OCIAD2: variants seen among roughly 807,000 people sequenced by gnomAD.
OCIAD2 encodes the protein OCIA domain containing 2.
In OCIAD2, 29 loss-of-function variants were observed where a neutral mutation model predicts 22.9. The ratio of observed to expected loss-of-function variants is 1.27; its 90% CI spans 0.94 to 1.73. OCIAD2 has a LOEUF of 1.73. Among genes scored for constraint, OCIAD2 ranks in the 40% most tolerant of loss-of-function variants. OCIAD2 has a pLI of 0.00. For missense variants in OCIAD2, 189 were observed against 180.3 expected (o/e 1.05, Z -0.28); for synonymous variants, 67 against 60.2 (o/e 1.11, Z -0.52).
At chr4:48,888,797 C>CT (rs60325440) in intron 6 of OCIAD2, among the ~76,000 whole-genome samples, 28 of 151,952 alleles carry the variant, frequency 1.8e-4, no homozygotes, top group Non-Finnish European at 3.2e-4. Context: ...CTAAAATTCT[C>CT]TTTTTTTTGT....
At chr4:48,898,105 C>T (rs1781338491) in intron 3 of OCIAD2, among the ~76,000 whole-genome samples, 1 of 152,168 alleles carries the variant, frequency 6.6e-6, no homozygotes, top group African/African-American at 2.4e-5. Flanking sequence ...TGTCTGACAT[C>T]CACTTGTACT....
At position 48,899,912 on chromosome 4, in the gene OCIAD2, CA is replaced by C; in HGVS notation, c.79del (p.Cys27ValfsTer35). The C allele has an allele frequency of 6.2e-7, 1 of 1,613,260 alleles. No individual in the cohort carries two copies. The highest frequency in any genetic ancestry group is 8.5e-7 in the Non-Finnish European group (1 of 1,179,534). ...GTGGATGTGCAGTTTTGATTTTGGACAAAACAACAGGCTCTGTAAGGAAAGT... is the reference window on the plus strand; with the variant it reads ...GTGGATGTGCAGTTTTGATTTTGGACAAACAACAGGCTCTGTAAGGAAAGT... ...PPPSKQSLLF[C>X]PKSKLHIHRA... is the part of the protein sequence containing the mutation. On this transcript the variant is annotated frameshift_variant, in exon 3 of 7. Coordinates refer to ENST00000508632, the MANE Select transcript of OCIAD2 (RefSeq NM_001014446.3). LOFTEE classifies it high-confidence loss of function.
At chr4:48,891,251 T>G (rs1347750936) in intron 6 of OCIAD2, among the ~76,000 whole-genome samples, 1 of 152,186 alleles carries the variant, frequency 6.6e-6, no homozygotes, top group Non-Finnish European at 1.5e-5. Context: ...CAAGAAGTCC[T>G]TAATGCCTAT....
chr4:48,899,844 T>C lies in OCIAD2; in HGVS notation c.148A>G (p.Ser50Gly). 1 of 1,613,252 alleles carries C rather than the reference T, an allele frequency of 6.2e-7. No individual in the cohort carries two copies. Among genetic ancestry groups the C allele is most frequent in the South Asian group, 1.1e-5 (1 of 91,030 alleles). The change falls in exon 3 of 7, where the codon AGT becomes GGT. Residue 50 changes from serine (S) to glycine (G), a missense_variant. Transcript: ENST00000508632. ...GTGCAATTACCTCTCTTCCAGAAAC[T>C]TTCTTCCTGACATTCTCGCATAATC... ...SKIMRECQEE[S>G]FWKRALPFSL...
Position 48,904,552 on chromosome 4 carries a change from T to C in OCIAD2, c.-3A>G. Reference sequence around the variant, plus strand: ...CCACGAGCAGACGCTGAAGCCATGATGACTTTGTGCTTGCTCTCCTTCCAG... The same window carrying C: ...CCACGAGCAGACGCTGAAGCCATGACGACTTTGTGCTTGCTCTCCTTCCAG... On this transcript the variant is annotated 5_prime_UTR_variant, in exon 2 of 7. Coordinates refer to ENST00000508632, the MANE Select transcript of OCIAD2 (RefSeq NM_001014446.3). 2 of 1,614,078 alleles carry C rather than the reference T, an allele frequency of 1.2e-6. No individual in the cohort carries two copies. Among genetic ancestry groups the C allele is most frequent in the South Asian group, 1.1e-5 (1 of 91,088 alleles).
At chr4:48,887,153 C>T (rs1349626963) in intron 6 of OCIAD2, among the ~76,000 whole-genome samples, 2 of 152,118 alleles carry the variant, frequency 1.3e-5, no homozygotes, top group Non-Finnish European at 2.9e-5. Context: ...TGAGAAGTGT[C>T]TGTTCATATC....
At chr4:48,892,911 G>C (rs763297946) in intron 5 of OCIAD2, 22 bp from the exon 6 acceptor site, 17 of 1,230,076 alleles carry the variant, frequency 1.4e-5, no homozygotes, top group Non-Finnish European at 1.9e-5. Context: ...GGTTGGGAGA[G>C]ATTAGTTGAG....
Position 48,904,625 on chromosome 4 carries a change from A to G in OCIAD2, c.-62-14T>C. ...TTGACCCAGTGTCTAAGGAAGGTAG[A>G]AGAGAATCACTATGCCATGACTAAA... On this transcript the variant is annotated splice_polypyrimidine_tract_variant and intron_variant, in intron 1 of 6. Coordinates refer to ENST00000508632, the MANE Select transcript of OCIAD2 (RefSeq NM_001014446.3). The G allele has an allele frequency of 7.7e-7, 1 of 1,306,554 alleles. No homozygotes were observed. The highest frequency in any genetic ancestry group is 1.2e-5 in the South Asian group (1 of 84,904). The allele number at this position is 1,306,554 out of a possible 1,614,324, so 80.9% of individuals were successfully genotyped here.
chr4:48,903,931 C>T (rs1781471705), intron 2 of OCIAD2, among the ~76,000 whole-genome samples: 1 of 151,622 alleles, frequency 6.6e-6, no homozygotes, highest in Non-Finnish European at 1.5e-5. Context: ...AGGCGTGAGC[C>T]ACCGCGCCCA....
chr4:48,887,113 G>T (rs1342680223), intron 6 of OCIAD2, among the ~76,000 whole-genome samples: 1 of 152,146 alleles, frequency 6.6e-6, no homozygotes, highest in Non-Finnish European at 1.5e-5. Flanking sequence ...ATTTTTTCAT[G>T]TGTCTTTTGG....
At chr4:48,894,090 TC>T in intron 4 of OCIAD2, 37 bp from the exon 5 acceptor site, 2 of 1,077,710 alleles carry the variant, frequency 1.9e-6, no homozygotes, top group Non-Finnish European at 2.6e-6. Context: ...TTATTTCATT[TC>T]ATAAATTAAA....
In OCIAD2 at chr4:48,885,218, A is replaced by G. The variant is rs1780946626; in HGVS notation, c.*266T>C. 2 of 330,360 alleles carry G rather than the reference A, an allele frequency of 6.1e-6. No homozygotes were observed. The allele number at this position is 330,360 out of a possible 1,614,324, so 20.5% of individuals were successfully genotyped here. A position where few individuals can be genotyped will look rare whatever the true frequency, so the allele number is the denominator to read the frequency against. On this transcript the variant is annotated 3_prime_UTR_variant, in exon 7 of 7. Transcript: ENST00000508632. ...TGGCCAAGCTGGTCATGAACTCCTG[A>G]CCTCAAATGATCTGCCTGCCTCGGC... is the stretch of plus-strand genomic sequence containing the variant.
intron 5 of OCIAD2, chr4:48,893,749 C>T (rs1781234057): frequency 4.1e-6 from 1 of 245,524 alleles, no homozygotes; most frequent in African/African-American, 2.2e-5. Context: ...AAAATAGGGG[C>T]TGATTTTTCC....
chr4:48,897,036 G>C (rs1347212782), intron 4 of OCIAD2: 6 of 152,416 alleles, frequency 3.9e-5, no homozygotes, highest in African/African-American at 1.4e-4. Context: ...CCCTCCTCAG[G>C]CAGATGCAGC....
intron 3 of OCIAD2, among the ~76,000 whole-genome samples, chr4:48,899,286 T>C (rs1443486831): frequency 6.6e-6 from 1 of 152,214 alleles, no homozygotes; most frequent in African/African-American, 2.4e-5. Context: ...ACTCACACTC[T>C]TGTCTTATGT....
In OCIAD2 at chr4:48,885,578, C is replaced by A; in HGVS notation, c.384-13G>T. ...AAGGAGGCAGTGCCTAGAAGAGAAG[C>A]AAAAATAGACAGCGGTTTGTACTTT... On this transcript the variant is annotated splice_polypyrimidine_tract_variant and intron_variant, in intron 6 of 6. Coordinates refer to ENST00000508632, the MANE Select transcript of OCIAD2 (RefSeq NM_001014446.3). 1 of 1,461,648 alleles carries A rather than the reference C, an allele frequency of 6.8e-7. No homozygotes were observed. The highest frequency in any genetic ancestry group is 9.6e-7 in the Non-Finnish European group (1 of 1,043,544). 90.5% of individuals were successfully genotyped at this position (1,461,648 alleles called of 1,614,324 possible).
chr4:48,903,642 T>G (rs182454264), intron 2 of OCIAD2, among the ~76,000 whole-genome samples: 10,548 of 150,444 alleles, frequency 0.07, 400 homozygotes, highest in Non-Finnish European at 0.089. Flanking sequence ...AGGGTTTTTT[T>G]TTTTTTTTTT....
intron 4 of OCIAD2, 73 bp downstream of exon 4, chr4:48,897,731 A>G: frequency 8.6e-7 from 1 of 1,165,830 alleles, no homozygotes; most frequent in Non-Finnish European, 1.3e-6. Flanking sequence ...GTCAAGGGCC[A>G]AAAAGCTGCC....
At position 48,897,834 on chromosome 4, in the gene OCIAD2, T is replaced by G; in HGVS notation, c.187A>C (p.Met63Leu). The change falls in exon 4 of 7, where the codon ATG (methionine) becomes CTG (leucine). Residue 63 changes from methionine to leucine, a missense_variant. Physicochemically the swap from Met to Leu is conservative, Grantham distance 15. Transcript: ENST00000508632. ...KRALPFSLVS[M>L]LVTQGLVYQG... ...TAGACTAGTCCCTGGGTGACAAGCATGCTTACAAGAGAAAAAGGCAGAGCT... is the reference window on the plus strand; with the variant it reads ...TAGACTAGTCCCTGGGTGACAAGCAGGCTTACAAGAGAAAAAGGCAGAGCT... The G allele has an allele frequency of 1.2e-6, 2 of 1,612,946 alleles. No homozygotes were observed. Among genetic ancestry groups the G allele is most frequent in the Non-Finnish European group, 1.7e-6 (2 of 1,179,036 alleles).
Sources: gnomAD v4.1 joint callset for allele counts (sites outside exome capture counted in the v4.1 genomes callset) on GRCh38, gnomAD v4.1.1 for gene constraint, MANE v1.5 for transcripts, NCBI Gene and HGNC (gene_info 2026-07-23, HGNC 2026-07-21) for gene names.